Variants in CTNNA3 observed in about 807,000 individuals in gnomAD.
The protein encoded by CTNNA3 is catenin alpha 3.
A neutral mutation model predicts 95.7 loss-of-function variants in CTNNA3; 76 were observed. The ratio of observed to expected loss-of-function variants is 0.79; its 90% CI spans 0.66 to 0.96. The LOEUF is 0.96. CTNNA3 is among the 40% of genes least tolerant of loss of function. The pLI, the probability that CTNNA3 is intolerant of heterozygous loss-of-function variation, is 0.00. For synonymous variants in CTNNA3, 431 were observed against 374.4 expected (o/e 1.15, Z -1.74); for missense variants, 1,191 against 1,089.8 (o/e 1.09, Z -1.31).
chr10:67,441,197 G>C (rs1218957173), intron 5 of CTNNA3, among the ~76,000 whole-genome samples: 1 of 151,664 alleles, frequency 6.6e-6, no homozygotes, highest in Non-Finnish European at 1.5e-5. Context: ...TAGCAGAACT[G>C]GTCAATCAGA....
At chr10:67,289,784 A>T (rs1170604167) in intron 5 of CTNNA3, among the ~76,000 whole-genome samples, 1 of 139,204 alleles carries the variant, frequency 7.2e-6, no homozygotes, top group Non-Finnish European at 1.5e-5. Flanking sequence ...GGATGGACGG[A>T]TGGATGGATG....
At chr10:66,614,518 T>C (rs1844443125) in intron 10 of CTNNA3, among the ~76,000 whole-genome samples, 1 of 152,046 alleles carries the variant, frequency 6.6e-6, no homozygotes, top group South Asian at 2.1e-4. Flanking sequence ...TTTTTATATT[T>C]CACATGCTTC....
intron 7 of CTNNA3, among the ~76,000 whole-genome samples, chr10:67,072,331 G>T (rs560912845): frequency 5.3e-5 from 8 of 152,146 alleles, no homozygotes; most frequent in African/African-American, 1.9e-4. Flanking sequence ...CACCTTTTAA[G>T]TCCTTGCCAG....
intron 7 of CTNNA3, among the ~76,000 whole-genome samples, chr10:66,917,421 T>C (rs1693460360): frequency 6.6e-6 from 1 of 152,176 alleles, no homozygotes. Context: ...GTTTGACATA[T>C]AGGCTGATAT....
At chr10:66,763,363 G>C (rs1839694827) in intron 9 of CTNNA3, among the ~76,000 whole-genome samples, 1 of 143,540 alleles carries the variant, frequency 7.0e-6, no homozygotes, top group Admixed American at 7.0e-5. Flanking sequence ...GGGAGAGAGA[G>C]AGAAAGAGAG....
At chr10:67,013,286 T>A (rs895408900) in intron 7 of CTNNA3, among the ~76,000 whole-genome samples, 26 of 151,562 alleles carry the variant, frequency 1.7e-4, no homozygotes, top group African/African-American at 6.1e-4. Flanking sequence ...CCATTCAAAA[T>A]TAAAGTTGTA....
intron 12 of CTNNA3, among the ~76,000 whole-genome samples, chr10:66,346,838 C>T (rs941404154): frequency 2.0e-5 from 3 of 151,840 alleles, no homozygotes; most frequent in Non-Finnish European, 4.4e-5. Context: ...AGAGTTGTAA[C>T]CAAGTGTGAA....
At chr10:66,382,121 A>G (rs1171796856) in intron 11 of CTNNA3, among the ~76,000 whole-genome samples, 3 of 152,090 alleles carry the variant, frequency 2.0e-5, no homozygotes, top group Non-Finnish European at 4.4e-5. Context: ...CTGAAGCAGG[A>G]CAGGGTGTTG....
intron 7 of CTNNA3, among the ~76,000 whole-genome samples, chr10:67,027,927 AG>A (rs1853490511): frequency 1.3e-5 from 2 of 152,158 alleles, no homozygotes; most frequent in South Asian, 4.1e-4. Flanking sequence ...ATATTTGTAT[AG>A]TACTTTTTTG....
In CTNNA3 at chr10:66,444,011, G is replaced by C. The variant is rs531361744; in HGVS notation, c.1532-64659C>G. 8.5e-4 allele frequency among the ~76,000 whole-genome samples: 130 copies of C among 152,192 alleles called. 4 individuals are homozygous for C. The South Asian group carries it at 0.027, about 31-fold the overall frequency. Reference sequence around the variant, plus strand: ...GATGGAGTTGAAAGCCAAGGCTCAAGAACTACGTGAAGAACGCAGAAGCCT... The same window carrying C: ...GATGGAGTTGAAAGCCAAGGCTCAACAACTACGTGAAGAACGCAGAAGCCT... On this transcript the variant is annotated intron_variant, in intron 11 of 17. Transcript: ENST00000433211.
chr10:66,020,563 T>C (rs1589257020), intron 15 of CTNNA3, among the ~76,000 whole-genome samples: 1 of 152,216 alleles, frequency 6.6e-6, no homozygotes, highest in Admixed American at 6.5e-5. Context: ...TTCTGGCTGG[T>C]AAACTTTCTG....
intron 13 of CTNNA3, among the ~76,000 whole-genome samples, chr10:66,194,739 A>G (rs2086863466): frequency 1.3e-5 from 2 of 152,194 alleles, no homozygotes; most frequent in South Asian, 4.1e-4. Context: ...GTCCTCATAC[A>G]GTGGTCCATG....
At chr10:66,713,606 T>C (rs1848361817) in intron 9 of CTNNA3, among the ~76,000 whole-genome samples, 1 of 152,130 alleles carries the variant, frequency 6.6e-6, no homozygotes, top group South Asian at 2.1e-4. Flanking sequence ...AAAACTGTTC[T>C]GGCATCTTCC....
At chr10:67,094,051 T>G (rs1857820182) in intron 7 of CTNNA3, among the ~76,000 whole-genome samples, 1 of 151,912 alleles carries the variant, frequency 6.6e-6, no homozygotes, top group Non-Finnish European at 1.5e-5. Flanking sequence ...TGTAAAAATC[T>G]AATACCCTAA....
chr10:67,689,627 C>G (rs552037737), intron 1 of CTNNA3, among the ~76,000 whole-genome samples: 1 of 152,028 alleles, frequency 6.6e-6, no homozygotes, highest in Non-Finnish European at 1.5e-5. Context: ...CACTCATGGC[C>G]GCAGGGTCAA....
At chr10:66,496,822 A>G (rs990690135) in intron 11 of CTNNA3, among the ~76,000 whole-genome samples, 4 of 152,168 alleles carry the variant, frequency 2.6e-5, no homozygotes, top group Non-Finnish European at 4.4e-5. Context: ...GTGCATTCAT[A>G]ACACAGTATC....
At chr10:66,052,277 A>G (rs2079974775) in intron 15 of CTNNA3, among the ~76,000 whole-genome samples, 1 of 152,162 alleles carries the variant, frequency 6.6e-6, no homozygotes. Flanking sequence ...GGACCTGGCT[A>G]ATGAGCCTGT....
At chr10:66,260,578 T>C (rs987151357) in intron 13 of CTNNA3, among the ~76,000 whole-genome samples, 1 of 151,788 alleles carries the variant, frequency 6.6e-6, no homozygotes, top group African/African-American at 2.4e-5. Flanking sequence ...AAAAGGGAAG[T>C]TTTCCCTTTG....
chr10:66,448,316 C>G (rs1329099457), intron 11 of CTNNA3, among the ~76,000 whole-genome samples: 1 of 152,156 alleles, frequency 6.6e-6, no homozygotes, highest in African/African-American at 2.4e-5. Flanking sequence ...ACCCAGCCAT[C>G]CCATTACTGG....
Sources: allele counts gnomAD v4.1 joint callset (sites outside exome capture counted in the v4.1 genomes callset), GRCh38; gene constraint gnomAD v4.1.1; transcripts MANE v1.5; gene names NCBI Gene and HGNC (gene_info 2026-07-23, HGNC 2026-07-21).